The following WNK3 variants were observed in gnomAD, a reference collection of about 807,000 sequenced individuals.
WNK3 encodes the protein serine/threonine-protein kinase WNK3.
WNK3 carries 18 observed loss-of-function variants against 116.7 expected under a neutral mutation model. The ratio of observed to expected loss-of-function variants is 0.15; its 90% CI spans 0.11 to 0.23. The LOEUF is 0.23. Ranked by LOEUF, WNK3 falls within the 10% of genes least tolerant of loss-of-function variation. WNK3 has a pLI of 1.00. For missense variants in WNK3, 993 were observed against 1,323.8 expected, an observed-to-expected ratio of 0.75 and a Z score of 3.88; for synonymous variants, 404 against 469.4, an observed-to-expected ratio of 0.86 and a Z score of 1.80.
At chrX:54,279,115 T>TAAA (rs2068485417) in intron 10 of WNK3, among the ~76,000 whole-genome samples, 1 of 109,305 alleles carries the variant, frequency 9.1e-6, no homozygotes, top group African/African-American at 3.3e-5. Flanking sequence ...AATAAAAACA[T>TAAA]TAACATAGAT....
chrX:54,215,139 A>C lies in WNK3; in HGVS notation c.4871-12946T>G, dbSNP rs1460080419. Among the ~76,000 whole-genome samples the C allele has an allele frequency of 1.3e-4, 13 of 102,345 alleles. 1 individual carries two copies. In the East Asian group the frequency reaches 4.0e-3, roughly 31 times the overall value. The allele number at this position is 102,345 out of a possible 115,157, so 88.9% of individuals were successfully genotyped here. ...CTCAAAAAAAAAAAAAAAAAAAAAAACACCATCTCCAGTGCACAGTCAATA... is the reference window on the plus strand; with the variant it reads ...CTCAAAAAAAAAAAAAAAAAAAAAACCACCATCTCCAGTGCACAGTCAATA... On this transcript the variant is annotated intron_variant, in intron 22 of 23. Coordinates refer to ENST00000354646, the Ensembl canonical transcript of WNK3.
intron 10 of WNK3, among the ~76,000 whole-genome samples, chrX:54,260,490 GAA>G (rs2068243794): frequency 9.0e-6 from 1 of 111,420 alleles, no homozygotes; most frequent in African/African-American, 3.3e-5. Flanking sequence ...CAATAATATG[GAA>G]ATATATTTTA....
rs370822674 is a variant in WNK3 at position 54,208,185 on chromosome X, C to T, written c.4871-5992G>A. Among the ~76,000 whole-genome samples, 23 of 110,425 alleles carry T rather than the reference C, an allele frequency of 2.1e-4. No individual in the cohort carries two copies. The South Asian group carries it at 4.3e-3, about 20-fold the overall frequency. ...TGTCGCCCAGGCTGCAGTGCAGTGG[C>T]GCGATCTCAGCTCACTGCAAGCTCC... On this transcript the variant is annotated intron_variant, in intron 22 of 23. Coordinates refer to ENST00000354646, the Ensembl canonical transcript of WNK3.
intron 23 of WNK3, among the ~76,000 whole-genome samples, chrX:54,201,374 C>T (rs902520104): frequency 1.7e-4 from 19 of 112,144 alleles, no homozygotes; most frequent in African/African-American, 6.1e-4. Context: ...TGACTAAGGC[C>T]ACATGCAATA....
At chrX:54,262,764 T>C (rs1169468057) in intron 10 of WNK3, among the ~76,000 whole-genome samples, 1 of 109,134 alleles carries the variant, frequency 9.2e-6, no homozygotes, top group Non-Finnish European at 1.9e-5. Context: ...AAATCCCATC[T>C]CTACTAAAAA....
At chrX:54,249,894 A>G in intron 16 of WNK3, 100 bp downstream of exon 16, 2 of 1,002,670 alleles carry the variant, frequency 2.0e-6, no homozygotes, top group South Asian at 2.9e-5. Context: ...GAAAATTCTC[A>G]TAAGCATAAA....
At chrX:54,220,918 C>G (rs1408972449) in intron 22 of WNK3, among the ~76,000 whole-genome samples, 2 of 111,069 alleles carry the variant, frequency 1.8e-5, no homozygotes, top group Non-Finnish European at 3.8e-5. Flanking sequence ...TTTCTGTGAG[C>G]TGGAAGCTGT....
intron 10 of WNK3, among the ~76,000 whole-genome samples, chrX:54,276,423 C>A (rs1569537563): frequency 9.0e-6 from 1 of 111,073 alleles, no homozygotes. Flanking sequence ...AACTTCAACA[C>A]CTCACTCTCA....
At chrX:54,358,588 T>C (rs1434095134), upstream of WNK3, 1 of 112,372 alleles carries the variant, frequency 8.9e-6, no homozygotes, top group African/African-American at 3.2e-5. Flanking sequence ...TTACAAATAC[T>C]GGCCTCCCAG....
intron 10 of WNK3, among the ~76,000 whole-genome samples, chrX:54,285,279 G>T (rs1374005963): frequency 1.8e-5 from 2 of 110,961 alleles, no homozygotes; most frequent in Non-Finnish European, 3.8e-5. Flanking sequence ...GGAGTGGTGC[G>T]CACCTGTGGT....
exon 1 of WNK3, chrX:54,357,871 T>A (rs2147372174): frequency 8.9e-6 from 1 of 112,580 alleles, no homozygotes; most frequent in Admixed American, 9.3e-5. Context: ...CGAGCTCCGC[T>A]CCGCGTCGTG....
chrX:54,197,511 G>A (rs1465859954), exon 24 of WNK3: 2 of 110,589 alleles, frequency 1.8e-5, no homozygotes, highest in East Asian at 2.8e-4. Flanking sequence ...GGATCACAAG[G>A]TTAGGAGTTT....
chrX:54,237,567 G>A lies in WNK3; in HGVS notation c.4015-16C>T, dbSNP rs1208443400. 8 of 1,146,486 alleles carry A rather than the reference G, an allele frequency of 7.0e-6. No homozygotes were observed. The highest frequency in any genetic ancestry group is 2.1e-5 in the South Asian group (1 of 47,658). The allele number at this position is 1,146,486 out of a possible 1,213,427, so 94.5% of individuals were successfully genotyped here. ...TTGTAATCACCTGAGATATAAAAACGTAAAAGTGGTTAGCATAGCACAGAC... is the reference window on the plus strand; with the variant it reads ...TTGTAATCACCTGAGATATAAAAACATAAAAGTGGTTAGCATAGCACAGAC... On this transcript the variant is annotated splice_polypyrimidine_tract_variant and intron_variant, in intron 19 of 23. Transcript: ENST00000354646.
intron 17 of WNK3, among the ~76,000 whole-genome samples, chrX:54,240,843 T>C (rs1557151392): frequency 1.8e-5 from 2 of 111,726 alleles, no homozygotes; most frequent in Non-Finnish European, 3.8e-5. Flanking sequence ...AACAGATCTC[T>C]GCCTATGACT....
At chrX:54,264,820 G>T (rs972394713) in intron 10 of WNK3, among the ~76,000 whole-genome samples, 11 of 109,612 alleles carry the variant, frequency 1.0e-4, no homozygotes, top group African/African-American at 3.3e-4. Context: ...GCCCTGCAAA[G>T]CTTTCTACAG....
chrX:54,239,152 AAAC>A (rs1471976109), intron 17 of WNK3, 53 bp from the exon 18 acceptor site: 10 of 895,287 alleles, frequency 1.1e-5, no homozygotes, highest in African/African-American at 2.1e-5. Context: ...AAACAAAACA[AAAC>A]AACCGAGAAA....
intron 23 of WNK3, 77 bp downstream of exon 23, chrX:54,201,914 T>C (rs1262050988): frequency 2.3e-6 from 2 of 871,001 alleles, no homozygotes; most frequent in Non-Finnish European, 3.3e-6. Flanking sequence ...ATAGTGACTG[T>C]AACTATAGGC....
intron 10 of WNK3, among the ~76,000 whole-genome samples, chrX:54,289,960 G>A (rs948547614): frequency 4.5e-5 from 5 of 111,992 alleles, no homozygotes; most frequent in African/African-American, 9.7e-5. Context: ...AGCAGAAAAC[G>A]TCTGAAGAGA....
chrX:54,307,091 G>A (rs1439786645), intron 5 of WNK3, among the ~76,000 whole-genome samples: 1 of 108,885 alleles, frequency 9.2e-6, no homozygotes, highest in Non-Finnish European at 1.9e-5. Flanking sequence ...GCTGGGCGTG[G>A]TGGTGCACAC....
Sources: gnomAD v4.1 joint callset for allele counts (sites outside exome capture counted in the v4.1 genomes callset) on GRCh38, gnomAD v4.1.1 for gene constraint, MANE v1.5 for transcripts, NCBI Gene and HGNC (gene_info 2026-07-23, HGNC 2026-07-21) for gene names.